The following HIRA variants were observed in gnomAD, a reference collection of about 807,000 sequenced individuals.
HIRA encodes the protein protein HIRA.
Under a neutral mutation model 126.6 loss-of-function variants are expected in HIRA, and 13 were observed. The observed-to-expected ratio is 0.10, with a 90% CI of 0.07 to 0.16. The LOEUF (loss-of-function observed/expected upper bound fraction) is 0.16. Ranked by LOEUF, HIRA falls within the 10% of genes least tolerant of loss-of-function variation. The pLI is 1.00. For synonymous variants in HIRA, 511 were observed against 520.0 expected (o/e 0.98, Z 0.24); for missense variants, 834 against 1,314.4 (o/e 0.63, Z 5.65).
intron 9 of HIRA, among the ~76,000 whole-genome samples, chr22:19,389,859 TAA>T (rs200468337): frequency 4.4e-4 from 55 of 125,868 alleles, no homozygotes; most frequent in Non-Finnish European, 4.1e-4. Flanking sequence ...ATACTTGGCC[TAA>T]AAAAAAAAAA....
chr22:19,408,160 C>T (rs1178580183), intron 3 of HIRA, among the ~76,000 whole-genome samples: 1 of 152,204 alleles, frequency 6.6e-6, no homozygotes, highest in Non-Finnish European at 1.5e-5. Flanking sequence ...GATGTTTTGG[C>T]AAATTGTCTC....
chr22:19,377,921 G>C lies in HIRA; in HGVS notation c.1561C>G (p.Pro521Ala), dbSNP rs768876608. 1.2e-6 allele frequency: 2 copies of C among 1,613,680 alleles called. No homozygotes were observed. Among genetic ancestry groups the C allele is most frequent in the Middle Eastern group, 1.7e-4 (1 of 6,054 alleles). Residue 521 changes from proline (P) to alanine (A), a missense_variant, in exon 14 of 25, where the codon CCT becomes GCT. Pro to Ala is a conservative substitution (Grantham distance 27, BLOSUM62 -1). Around this residue, in one of 5 missense-constraint regions of HIRA, gnomAD observed 468 missense variants for 574.2 expected, o/e 0.82. Transcript: ENST00000263208. ...GGTCTGGCACTGGCAGCCACCACAGGCTCTGTGCAAGGCTTCGAGGCGCCG... is the reference window on the plus strand; with the variant it reads ...GGTCTGGCACTGGCAGCCACCACAGCCTCTGTGCAAGGCTTCGAGGCGCCG... ...SFGASKPCTE[P>A]VVAASARPAG...
At chr22:19,418,513 TC>T (rs1226679500) in intron 1 of HIRA, among the ~76,000 whole-genome samples, 1 of 151,638 alleles carries the variant, frequency 6.6e-6, no homozygotes, top group Non-Finnish European at 1.5e-5. Context: ...GCGCCTGTAG[TC>T]CCAGCTACTT....
intron 5 of HIRA, among the ~76,000 whole-genome samples, chr22:19,400,690 T>A (rs574419893): frequency 6.6e-6 from 1 of 152,162 alleles, no homozygotes; most frequent in African/African-American, 2.4e-5. Flanking sequence ...CCCTCACTTG[T>A]AGATTTACAT....
At chr22:19,336,375 G>C (rs2088567536) in intron 24 of HIRA, among the ~76,000 whole-genome samples, 1 of 152,178 alleles carries the variant, frequency 6.6e-6, no homozygotes, top group Non-Finnish European at 1.5e-5. Flanking sequence ...CCACAAGACA[G>C]GTGAAAAACT....
intron 18 of HIRA, among the ~76,000 whole-genome samples, chr22:19,358,856 C>T (rs537056528): frequency 4.6e-5 from 7 of 152,248 alleles, no homozygotes; most frequent in Non-Finnish European, 7.4e-5. Context: ...GGGGAAGATA[C>T]TGGGTGACTA....
chr22:19,335,967 C>T (rs1403256508), intron 24 of HIRA, among the ~76,000 whole-genome samples: 1 of 152,170 alleles, frequency 6.6e-6, no homozygotes, highest in African/African-American at 2.4e-5. Flanking sequence ...ATCGTTTGTC[C>T]AGGTTTTCTT....
At chr22:19,425,474 C>T (rs2089481739) in intron 1 of HIRA, among the ~76,000 whole-genome samples, 1 of 152,150 alleles carries the variant, frequency 6.6e-6, no homozygotes, top group African/African-American at 2.4e-5. Context: ...TGGTCACCGA[C>T]AGGACCCAAG....
chr22:19,390,803 G>A (rs991268509), intron 9 of HIRA, among the ~76,000 whole-genome samples: 1 of 151,966 alleles, frequency 6.6e-6, no homozygotes, highest in Non-Finnish European at 1.5e-5. Flanking sequence ...ATGCCTAGGA[G>A]TGGAAGTGCT....
At chr22:19,420,403 C>G (rs190625265) in intron 1 of HIRA, among the ~76,000 whole-genome samples, 1 of 137,682 alleles carries the variant, frequency 7.3e-6, no homozygotes, top group East Asian at 2.3e-4. Context: ...GAGGTCGAGG[C>G]TGCAGTGAGC....
At chr22:19,422,571 C>A (rs1268813787) in intron 1 of HIRA, among the ~76,000 whole-genome samples, 1 of 152,146 alleles carries the variant, frequency 6.6e-6, no homozygotes, top group Non-Finnish European at 1.5e-5. Context: ...ACTCTCTGGC[C>A]TCCTCTCTCA....
rs971213689 is a variant in HIRA, at chr22:19,431,703, G to T, written c.-227C>A. 2 of 363,578 alleles carry T rather than the reference G, an allele frequency of 5.5e-6. No individual in the cohort carries two copies. Among genetic ancestry groups the T allele is most frequent in the South Asian group, 1.2e-4 (1 of 8,132 alleles). The allele number at this position is 363,578 out of a possible 1,614,324, so 22.5% of individuals were successfully genotyped here. A position where few individuals can be genotyped will look rare whatever the true frequency, so the allele number is the denominator to read the frequency against. ...CCGCCACCACAGCCGCATCCCCTGC[G>T]CCGCTCCTCCTCAGGCGGCTCCCGG... On this transcript the variant is annotated 5_prime_UTR_variant, in exon 1 of 25. Coordinates refer to ENST00000263208, the MANE Select transcript of HIRA (RefSeq NM_003325.4).
At chr22:19,407,787 T>G (rs1601850833) in intron 3 of HIRA, among the ~76,000 whole-genome samples, 1 of 152,182 alleles carries the variant, frequency 6.6e-6, no homozygotes, top group African/African-American at 2.4e-5. Flanking sequence ...CACTGCAGAT[T>G]GACTGACTCT....
chr22:19,395,623 G>A (rs915015646), intron 7 of HIRA, among the ~76,000 whole-genome samples: 5 of 152,164 alleles, frequency 3.3e-5, no homozygotes, highest in Admixed American at 2.0e-4. Flanking sequence ...CCTGACCAGT[G>A]GGCAAATGCG....
At chr22:19,428,295 G>C (rs2089504043) in intron 1 of HIRA, among the ~76,000 whole-genome samples, 1 of 152,164 alleles carries the variant, frequency 6.6e-6, no homozygotes, top group Admixed American at 6.5e-5. Context: ...GCAATGACTG[G>C]AGATATTTTT....
chr22:19,353,913 G>A (rs2088784298), intron 22 of HIRA, 83 bp downstream of exon 22: 1 of 1,512,850 alleles, frequency 6.6e-7, no homozygotes, highest in Non-Finnish European at 9.0e-7. Flanking sequence ...GACCAGGCCT[G>A]GGCAGGGACT....
intron 13 of HIRA, among the ~76,000 whole-genome samples, chr22:19,380,183 G>A (rs1257347247): frequency 1.3e-5 from 2 of 151,858 alleles, no homozygotes; most frequent in African/African-American, 4.8e-5. Flanking sequence ...ACACTTTTTT[G>A]ACCTCTGAGA....
chr22:19,396,713 C>G (rs1490193061), intron 7 of HIRA, 74 bp downstream of exon 7: 1 of 1,520,080 alleles, frequency 6.6e-7, no homozygotes, highest in Non-Finnish European at 9.0e-7. Flanking sequence ...GGCCAGCTCC[C>G]TCTCTGTACA....
At chr22:19,424,353 A>C (rs2089472484) in intron 1 of HIRA, among the ~76,000 whole-genome samples, 1 of 152,106 alleles carries the variant, frequency 6.6e-6, no homozygotes, top group African/African-American at 2.4e-5. Context: ...TGGGGCACAG[A>C]CCTCTCCCTT....
Sources: gnomAD v4.1 joint callset for allele counts (sites outside exome capture counted in the v4.1 genomes callset) on GRCh38, gnomAD v4.1.1 for gene constraint, gnomAD v4.1.1 regional missense constraint, MANE v1.5 for transcripts, NCBI Gene and HGNC (gene_info 2026-07-23, HGNC 2026-07-21) for gene names.